MFN1: variants seen among roughly 807,000 people sequenced by gnomAD.
The protein encoded by MFN1 is mitofusin-1.
A neutral mutation model predicts 92.4 loss-of-function variants in MFN1; 65 were observed. That is an observed-to-expected ratio of 0.70 (90% CI 0.58 to 0.86). The LOEUF is 0.86. MFN1 is among the 40% of genes least tolerant of loss of function. The pLI is 0.00. For synonymous variants in MFN1, 297 were observed against 300.9 expected, an observed-to-expected ratio of 0.99 and a Z score of 0.13; for missense variants, 781 against 868.0, an observed-to-expected ratio of 0.90 and a Z score of 1.26.
At chr3:179,355,835 C>T (rs1171185270) in intron 3 of MFN1, among the ~76,000 whole-genome samples, 1 of 152,008 alleles carries the variant, frequency 6.6e-6, no homozygotes, top group Non-Finnish European at 1.5e-5. Flanking sequence ...TCCTGTAATC[C>T]CAGCTACTTG....
chr3:179,362,594 C>A, intron 5 of MFN1, 112 bp downstream of exon 5: 4 of 949,364 alleles, frequency 4.2e-6, no homozygotes, highest in South Asian at 2.6e-5. Flanking sequence ...ATTTTGTTCT[C>A]ATTAGCTAGA....
chr3:179,386,418 G>T lies in MFN1; in HGVS notation c.1816-15G>T. 1 of 1,604,646 alleles carries T rather than the reference G, an allele frequency of 6.2e-7. No individual in the cohort carries two copies. The highest frequency in any genetic ancestry group is 1.1e-5 in the South Asian group (1 of 89,914). ...GTTTTTCCTTCTCAGACTAAGCTAT[G>T]ACTTTATCTTACAGATTTGGAAAAC... On this transcript the variant is annotated splice_polypyrimidine_tract_variant and intron_variant, in intron 15 of 17. Transcript: ENST00000471841.
rs1317671179 is a variant in MFN1, at chr3:179,385,606, C to T, written c.1700C>T (p.Thr567Ile). The T allele has an allele frequency of 1.2e-6, 2 of 1,612,940 alleles. No homozygotes were observed. Among genetic ancestry groups the T allele is most frequent in the Non-Finnish European group, 1.7e-6 (2 of 1,179,860 alleles). The stretch of plus-strand genomic sequence containing the variant: ...TTAGCTTCTACTCCCACTGCTCCTA[C>T]CACTCCAGCAACGCCAGATAATGCA... ...RSLASTPTAP[T>I]TPATPDNASQ... The change falls in exon 15 of 18, where the codon ACC becomes ATC. Residue 567 changes from threonine to isoleucine, a missense_variant. Transcript: ENST00000471841.
chr3:179,371,258 G>T (rs1054305513), intron 9 of MFN1, among the ~76,000 whole-genome samples: 1 of 152,168 alleles, frequency 6.6e-6, no homozygotes, highest in Admixed American at 6.5e-5. Flanking sequence ...AGTAATGCCA[G>T]TACTTTGGGA....
intron 5 of MFN1, among the ~76,000 whole-genome samples, chr3:179,363,188 C>G (rs967155101): frequency 2.0e-5 from 3 of 152,170 alleles, no homozygotes; most frequent in African/African-American, 7.2e-5. Flanking sequence ...GCTGCAACCT[C>G]CCCCTCCGGG....
intron 7 of MFN1, among the ~76,000 whole-genome samples, chr3:179,366,084 CT>C (rs200282700): frequency 7.3e-4 from 111 of 151,606 alleles, no homozygotes; most frequent in African/African-American, 2.2e-3. Flanking sequence ...TCTGAAGATA[CT>C]TTTTTTTTGT....
At chr3:179,350,023 A>G (rs924300866) in intron 2 of MFN1, among the ~76,000 whole-genome samples, 4 of 152,030 alleles carry the variant, frequency 2.6e-5, no homozygotes, top group African/African-American at 9.7e-5. Flanking sequence ...CTGGTGGCAG[A>G]CGCCTGTAAT....
chr3:179,353,318 G>A (rs1323519015), intron 3 of MFN1, among the ~76,000 whole-genome samples: 5 of 149,168 alleles, frequency 3.4e-5, no homozygotes, highest in African/African-American at 5.0e-5. Context: ...CGCCCACCTC[G>A]ACCTCCCAAA....
rs2108545924 is a variant in MFN1 at position 179,375,211 on chromosome 3, C to T, written c.976-9C>T. 3.1e-6 allele frequency: 5 copies of T among 1,606,696 alleles called. No individual in the cohort carries two copies. The highest frequency in any genetic ancestry group is 4.2e-6 in the Non-Finnish European group (5 of 1,177,206). On this transcript the variant is annotated splice_polypyrimidine_tract_variant and intron_variant, in intron 9 of 17. Transcript: ENST00000471841. ...TACAGTAATGTGTTACGGCTTGGGC[C>T]CCTCGCAGGAGTGTATCTCGCAGTC...
Position 179,362,302 on chromosome 3 carries a change from T to C in MFN1, c.412-56T>C, listed in dbSNP as rs146445620. The C allele has an allele frequency of 6.8e-3, 9,962 of 1,472,472 alleles. 51 individuals carry two copies. Among genetic ancestry groups the C allele is most frequent in the Non-Finnish European group, 7.3e-3 (8,080 of 1,105,062 alleles). 91.2% of individuals were successfully genotyped at this position (1,472,472 alleles called of 1,614,324 possible). On this transcript the variant is annotated intron_variant, in intron 4 of 17. Coordinates refer to ENST00000471841, the MANE Select transcript of MFN1 (RefSeq NM_033540.3). The stretch of plus-strand genomic sequence containing the variant: ...ATAAATGTACCACAATGTTTTTAAT[T>C]TTTATTGAATTTTATTACAAGTGGA...
intron 7 of MFN1, among the ~76,000 whole-genome samples, chr3:179,365,516 A>G (rs1712752472): frequency 6.6e-6 from 1 of 152,206 alleles, no homozygotes; most frequent in Non-Finnish European, 1.5e-5. Flanking sequence ...TGATCCTTCC[A>G]GTTTGGCTTC....
chr3:179,386,285 T>C (rs1713680855), intron 15 of MFN1, 148 bp from the exon 16 acceptor site: 1 of 626,362 alleles, frequency 1.6e-6, no homozygotes, highest in African/African-American at 1.9e-5. Context: ...TGATTTCTGG[T>C]AACTTCAGGT....
intron 2 of MFN1, 52 bp from the exon 3 acceptor site, chr3:179,351,848 C>G: frequency 6.6e-7 from 1 of 1,520,278 alleles, no homozygotes; most frequent in Non-Finnish European, 9.0e-7. Flanking sequence ...CATTATATAA[C>G]TAACTTAATA....
At chr3:179,379,052 C>T (rs1713366031) in intron 14 of MFN1, among the ~76,000 whole-genome samples, 1 of 152,160 alleles carries the variant, frequency 6.6e-6, no homozygotes, top group African/African-American at 2.4e-5. Context: ...CCACACCAGA[C>T]CTCAATGAGG....
At chr3:179,354,003 C>T (rs1712255041) in intron 3 of MFN1, among the ~76,000 whole-genome samples, 1 of 152,232 alleles carries the variant, frequency 6.6e-6, no homozygotes, top group South Asian at 2.1e-4. Context: ...TCTTTCAACA[C>T]TTTTCACAAA....
At chr3:179,373,772 C>G (rs1179459479) in intron 9 of MFN1, among the ~76,000 whole-genome samples, 1 of 151,966 alleles carries the variant, frequency 6.6e-6, no homozygotes, top group African/African-American at 2.4e-5. Flanking sequence ...CTTCCGGGTT[C>G]TCGCCATTCT....
In MFN1 at chr3:179,362,380, C is replaced by T; in HGVS notation, c.434C>T (p.Ala145Val). Residue 145 changes from alanine (A) to valine (V), a missense_variant, in exon 5 of 18, where the codon GCC becomes GTC. By Grantham distance (64) the Ala-to-Val change is moderately conservative. Transcript: ENST00000471841. ...TAGACAGTTAATCAACTGGCCCATGCCCTTCACATGGACAAAGATTTGAAA... is the reference window on the plus strand; with the variant it reads ...TAGACAGTTAATCAACTGGCCCATGTCCTTCACATGGACAAAGATTTGAAA... ...SVKTVNQLAH[A>V]LHMDKDLKAG... 6.2e-7 allele frequency: 1 copy of T among 1,611,834 alleles called. No homozygotes were observed. The highest frequency in any genetic ancestry group is 8.5e-7 in the Non-Finnish European group (1 of 1,179,500).
rs761015683 is a variant in MFN1, at chr3:179,377,100, C to T, written c.1156C>T (p.Gln386Ter). ...TGATAGACTGGACTTTATTCGAAACCAGATGAACCTTTTAACACTGGATGT... is the reference window on the plus strand; with the variant it reads ...TGATAGACTGGACTTTATTCGAAACTAGATGAACCTTTTAACACTGGATGT... Reference protein sequence around the residue: ...QIDRLDFIRNQMNLLTLDVKK... With the variant: ...QIDRLDFIRN Residue 386 changes from glutamine (Q) to a stop codon, truncating the protein, a stop_gained, in exon 11 of 18, where the codon CAG (glutamine) becomes TAG (stop). Transcript: ENST00000471841. LOFTEE classifies it high-confidence loss of function. 6.2e-7 allele frequency: 1 copy of T among 1,613,748 alleles called. No homozygotes were observed. Among genetic ancestry groups the T allele is most frequent in the Admixed American group, 1.7e-5 (1 of 59,986 alleles).
intron 16 of MFN1, among the ~76,000 whole-genome samples, chr3:179,387,357 C>G (rs1713724027): frequency 6.6e-6 from 1 of 151,958 alleles, no homozygotes. Flanking sequence ...AACAGCCTGG[C>G]CAACATGGTG....
Sources: gnomAD v4.1 joint callset for allele counts (sites outside exome capture counted in the v4.1 genomes callset) on GRCh38, gnomAD v4.1.1 for gene constraint, MANE v1.5 for transcripts, NCBI Gene and HGNC (gene_info 2026-07-23, HGNC 2026-07-21) for gene names.